The following TNKS2 variants were observed in gnomAD, a reference collection of about 807,000 sequenced individuals.
TNKS2 encodes tankyrase 2, also known as poly [ADP-ribose] polymerase tankyrase-2.
TNKS2 carries 72 observed loss-of-function variants against 137.6 expected under a neutral mutation model. That is an observed-to-expected ratio of 0.52 (90% CI 0.43 to 0.64). The LOEUF (loss-of-function observed/expected upper bound fraction) is 0.64, where lower values mean the gene tolerates loss of function less well. Among genes scored for constraint, TNKS2 ranks in the 30% least tolerant of loss-of-function variants. The pLI, the probability that TNKS2 is intolerant of heterozygous loss-of-function variation, is 0.00. For synonymous variants in TNKS2, 516 were observed against 512.1 expected (o/e 1.01, Z -0.10); for missense variants, 1,049 against 1,410.2 (o/e 0.74, Z 4.10).
Position 91,805,090 on chromosome 10 carries a change from C to T in TNKS2, c.199+6201C>T, listed in dbSNP as rs143204967. On this transcript the variant is annotated intron_variant, in intron 1 of 26. Transcript: ENST00000371627. The stretch of plus-strand genomic sequence containing the variant: ...GGAAGTATCTTCAATCTAAAGATTT[C>T]GCCAAACTCCAAGCAACTTTTTTTT... Among the ~76,000 whole-genome samples the T allele has an allele frequency of 5.2e-4, 75 of 144,432 alleles. 1 individual carries two copies. The highest frequency in any genetic ancestry group is 1.4e-3 in the African/African-American group (54 of 37,844). 94.8% of individuals were successfully genotyped at this position (144,432 alleles called of 152,430 possible).
At chr10:91,850,859 G>A (rs1210893639) in intron 20 of TNKS2, among the ~76,000 whole-genome samples, 18 of 152,330 alleles carry the variant, frequency 1.2e-4, no homozygotes, top group Admixed American at 1.1e-3. Flanking sequence ...GTGTATTACT[G>A]TATTAAAGGT....
chr10:91,819,324 A>C lies in TNKS2; in HGVS notation c.557+18A>C. On this transcript the variant is annotated intron_variant, in intron 4 of 26. Transcript: ENST00000371627. Reference sequence around the variant, plus strand: ...AGTGCCAGGTACGTACTAATGTTATAAATATGTGACAGGAATACTTCACCA... The same window carrying C: ...AGTGCCAGGTACGTACTAATGTTATCAATATGTGACAGGAATACTTCACCA... 1 of 1,473,448 alleles carries C rather than the reference A, an allele frequency of 6.8e-7. No homozygotes were observed. Among genetic ancestry groups the C allele is most frequent in the Non-Finnish European group, 9.0e-7 (1 of 1,106,840 alleles). 91.3% of individuals were successfully genotyped at this position (1,473,448 alleles called of 1,614,324 possible).
chr10:91,853,828 G>C (rs1842626764), intron 21 of TNKS2, among the ~76,000 whole-genome samples: 1 of 152,202 alleles, frequency 6.6e-6, no homozygotes, highest in East Asian at 1.9e-4. Context: ...AACCAGAATA[G>C]TGCTCTTCAT....
At chr10:91,816,297 T>C (rs548680689) in intron 2 of TNKS2, among the ~76,000 whole-genome samples, 1 of 152,298 alleles carries the variant, frequency 6.6e-6, no homozygotes, top group African/African-American at 2.4e-5. Context: ...AGTTTTGATT[T>C]GGGGTAGGTT....
At chr10:91,802,138 G>C (rs758151309) in intron 1 of TNKS2, among the ~76,000 whole-genome samples, 4 of 152,164 alleles carry the variant, frequency 2.6e-5, no homozygotes, top group Non-Finnish European at 4.4e-5. Context: ...GTTAGTATGA[G>C]TATGCTACTG....
At chr10:91,810,655 A>G (rs1456055463) in intron 1 of TNKS2, among the ~76,000 whole-genome samples, 1 of 150,400 alleles carries the variant, frequency 6.6e-6, no homozygotes, top group Non-Finnish European at 1.5e-5. Flanking sequence ...GGCACCTGCC[A>G]CAACGCCCAG....
At chr10:91,828,141 ATTTGGAGAATATC>A in intron 8 of TNKS2, 131 bp from the exon 9 acceptor site, 4 of 911,474 alleles carry the variant, frequency 4.4e-6, no homozygotes, top group Non-Finnish European at 6.3e-6. Context: ...CAGGGGTTAA[ATTTGGAGAATATC>A]TTTAGAGCCT....
intron 1 of TNKS2, among the ~76,000 whole-genome samples, chr10:91,802,130 TAGTATG>T (rs929883133): frequency 1.5e-4 from 23 of 152,330 alleles, no homozygotes; most frequent in African/African-American, 5.5e-4. Flanking sequence ...ATGTTACTGT[TAGTATG>T]AGTATGCTAC....
chr10:91,834,939 A>T lies in TNKS2; in HGVS notation c.1447+915A>T, dbSNP rs1029465529. Reference sequence around the variant, plus strand: ...TCCAACTAGTTTCTTACAATAAATTATTGAAGTGGAATTTCCAGGTCAAAG... The same window carrying T: ...TCCAACTAGTTTCTTACAATAAATTTTTGAAGTGGAATTTCCAGGTCAAAG... On this transcript the variant is annotated intron_variant, in intron 12 of 26. Transcript: ENST00000371627. Among the ~76,000 whole-genome samples the T allele has an allele frequency of 7.2e-5, 11 of 152,344 alleles. No homozygotes were observed. The East Asian group carries it at 1.9e-3, about 27-fold the overall frequency.
At chr10:91,829,552 A>G (rs1033788158) in intron 9 of TNKS2, among the ~76,000 whole-genome samples, 7 of 152,112 alleles carry the variant, frequency 4.6e-5, no homozygotes, top group African/African-American at 1.7e-4. Context: ...AGTAGGGTGT[A>G]ATTTGAGGTG....
At chr10:91,837,628 G>A (rs573729696) in intron 13 of TNKS2, among the ~76,000 whole-genome samples, 2 of 152,290 alleles carry the variant, frequency 1.3e-5, no homozygotes, top group Non-Finnish European at 2.9e-5. Flanking sequence ...GTGAGGCTGA[G>A]GCGGGTGGAT....
chr10:91,810,920 CT>C lies in TNKS2; in HGVS notation c.200-2040del, dbSNP rs35240102. ...TTCTTTTCTTTCTCTCTTTTCTTTT[CT>C]TTTTTTTTTTTTTTTTTTTTTTGAG... is the stretch of plus-strand genomic sequence containing the variant. On this transcript the variant is annotated intron_variant, in intron 1 of 26. Coordinates refer to ENST00000371627, the MANE Select transcript of TNKS2 (RefSeq NM_025235.4). 5.6e-3 allele frequency among the ~76,000 whole-genome samples: 281 copies of C among 50,114 alleles called. 1 individual carries two copies. The highest frequency in any genetic ancestry group is 6.4e-3 in the Admixed American group (20 of 3,108). 32.9% of individuals were successfully genotyped at this position (50,114 alleles called of 152,430 possible). A position where few individuals can be genotyped will look rare whatever the true frequency, so the allele number is the denominator to read the frequency against.
intron 9 of TNKS2, among the ~76,000 whole-genome samples, chr10:91,829,723 A>G (rs1288752336): frequency 1.3e-5 from 2 of 152,234 alleles, no homozygotes; most frequent in Non-Finnish European, 2.9e-5. Flanking sequence ...TGACAGCAAC[A>G]TCAAAGAATG....
Position 91,858,086 on chromosome 10 carries a change from A to C in TNKS2, c.3094+556A>C, listed in dbSNP as rs773775623. Among the ~76,000 whole-genome samples the C allele has an allele frequency of 3.5e-4, 53 of 152,176 alleles. 1 individual carries two copies. The highest frequency in any genetic ancestry group is 7.2e-4 in the Admixed American group (11 of 15,278). Reference sequence around the variant, plus strand: ...CTGGCAGGTGTTGATTAGTCTTTCAAATTTTAGCAAAGTTAAACATATTAA... The same window carrying C: ...CTGGCAGGTGTTGATTAGTCTTTCACATTTTAGCAAAGTTAAACATATTAA... On this transcript the variant is annotated intron_variant, in intron 24 of 26. Transcript: ENST00000371627.
In TNKS2 at chr10:91,845,211, C is replaced by T. The variant is rs374882471; in HGVS notation, c.2169+183C>T. Among the ~76,000 whole-genome samples the T allele has an allele frequency of 3.9e-5, 6 of 152,108 alleles. No individual in the cohort carries two copies. In the East Asian group the frequency reaches 7.7e-4, roughly 20 times the overall value. On this transcript the variant is annotated intron_variant, in intron 17 of 26. Transcript: ENST00000371627. ...TGTTCTAAGCTTGCTGTGTGATATG[C>T]GGTGTATTGTTGTTTGTTTTATTAT...
chr10:91,826,169 C>T (rs1845062793), intron 7 of TNKS2, among the ~76,000 whole-genome samples: 1 of 152,216 alleles, frequency 6.6e-6, no homozygotes, highest in Admixed American at 6.5e-5. Flanking sequence ...ACCTTATACA[C>T]ATAGCCTGAA....
At chr10:91,832,362 G>A (rs572327636) in intron 11 of TNKS2, among the ~76,000 whole-genome samples, 1 of 152,090 alleles carries the variant, frequency 6.6e-6, no homozygotes, top group Non-Finnish European at 1.5e-5. Context: ...TTTTGTCCAG[G>A]ACTTCACGTT....
At chr10:91,858,382 T>C (rs1020547466) in intron 24 of TNKS2, among the ~76,000 whole-genome samples, 2 of 152,194 alleles carry the variant, frequency 1.3e-5, no homozygotes, top group Non-Finnish European at 2.9e-5. Context: ...ATGGTTATAA[T>C]ATGGTTTTTC....
At chr10:91,838,767 T>G (rs992389177) in intron 13 of TNKS2, among the ~76,000 whole-genome samples, 2 of 152,236 alleles carry the variant, frequency 1.3e-5, no homozygotes, top group Non-Finnish European at 2.9e-5. Context: ...AACCCACTGA[T>G]AGTAGGCTCC....
Sources: gnomAD v4.1 joint callset for allele counts (sites outside exome capture counted in the v4.1 genomes callset) on GRCh38, gnomAD v4.1.1 for gene constraint, MANE v1.5 for transcripts, NCBI Gene and HGNC (gene_info 2026-07-23, HGNC 2026-07-21) for gene names.